Variants in MTR observed in about 807,000 individuals in gnomAD.
MTR encodes 5-methyltetrahydrofolate-homocysteine methyltransferase.
MTR carries 84 observed loss-of-function variants against 154.8 expected under a neutral mutation model. The ratio of observed to expected loss-of-function variants is 0.54; its 90% confidence interval spans 0.45 to 0.65. The LOEUF (loss-of-function observed/expected upper bound fraction) is 0.65, where lower values mean the gene tolerates loss of function less well. Ranked by LOEUF, MTR falls within the 30% of genes least tolerant of loss-of-function variation. The pLI, the probability that MTR is intolerant of heterozygous loss-of-function variation, is 0.00. For missense variants in MTR, 1,275 were observed against 1,570.2 expected (o/e 0.81, Z 3.18); for synonymous variants, 554 against 553.9 (o/e 1.00, Z 0.00).
intron 26 of MTR, 107 bp from the exon 27 acceptor site, chr1:236,886,185 C>A: frequency 1.2e-6 from 1 of 861,804 alleles, no homozygotes; most frequent in Non-Finnish European, 1.9e-6. Context: ...TGAATAAGAG[C>A]ATTTGCTTTC....
intron 1 of MTR, chr1:236,800,170 C>T (rs753446206): frequency 8.5e-5 from 84 of 985,202 alleles, no homozygotes; most frequent in Middle Eastern, 5.2e-4. Context: ...TGTGTGCACT[C>T]GCTCAGTGGA....
At chr1:236,890,610 T>C (rs943418232) in intron 28 of MTR, among the ~76,000 whole-genome samples, 12 of 152,246 alleles carry the variant, frequency 7.9e-5, no homozygotes, top group Admixed American at 7.9e-4. Context: ...TAGCTGTCCT[T>C]GTTTAACTCT....
intron 25 of MTR, among the ~76,000 whole-genome samples, chr1:236,881,197 A>T (rs1478211931): frequency 6.6e-6 from 1 of 152,174 alleles, no homozygotes; most frequent in Non-Finnish European, 1.5e-5. Context: ...CTTTTTCCAG[A>T]TAGAAAAACA....
At position 236,891,179 on chromosome 1, in the gene MTR, C is replaced by G; in HGVS notation, c.3054C>G (p.Asn1018Lys). 1 of 1,614,152 alleles carries G rather than the reference C, an allele frequency of 6.2e-7. No homozygotes were observed. The highest frequency in any genetic ancestry group is 1.6e-4 in the Middle Eastern group (1 of 6,062). ...KVYDDAHNMLNTLISQKKLRA... is the reference protein window; with the variant it reads ...KVYDDAHNMLKTLISQKKLRA... ...ACGATGATGCCCACAATATGCTGAA[C>G]ACACTGATTAGTCAAAAGAAACTCC... The change falls in exon 29 of 33, where the codon AAC becomes AAG. Residue 1018 changes from asparagine (N) to lysine (K), a missense_variant. Physicochemically the swap from Asn to Lys is moderately conservative, Grantham distance 94 (BLOSUM62 0). Coordinates refer to ENST00000366577, the MANE Select transcript of MTR (RefSeq NM_000254.3).
chr1:236,854,756 G>A lies in MTR; in HGVS notation c.1953+1668G>A, dbSNP rs1054052247. The stretch of plus-strand genomic sequence containing the variant: ...ACCGTTCCCATTTAAGGTTTTTTTG[G>A]CATTGTATTTTGTGCTAGGCATTCT... On this transcript the variant is annotated intron_variant, in intron 18 of 32. Transcript: ENST00000366577. Among the ~76,000 whole-genome samples the A allele has an allele frequency of 3.3e-5, 5 of 152,078 alleles. No individual in the cohort carries two copies. In the South Asian group the frequency reaches 8.3e-4, roughly 25 times the overall value.
At chr1:236,897,328 A>ACACACACACT (rs1666714867) in intron 32 of MTR, among the ~76,000 whole-genome samples, 1 of 130,660 alleles carries the variant, frequency 7.7e-6, no homozygotes, top group South Asian at 2.4e-4. Flanking sequence ...ACACACACAC[A>ACACACACACT]CACACACACA....
At chr1:236,826,075 C>T (rs576818101) in intron 10 of MTR, among the ~76,000 whole-genome samples, 2 of 152,024 alleles carry the variant, frequency 1.3e-5, no homozygotes, top group African/African-American at 4.8e-5. Flanking sequence ...TCATGCTGTC[C>T]CATATGTAGC....
intron 13 of MTR, 34 bp from the exon 14 acceptor site, chr1:236,835,513 C>T (rs775984909): frequency 3.7e-6 from 6 of 1,612,268 alleles, no homozygotes; most frequent in Non-Finnish European, 4.2e-6. Flanking sequence ...GTAACTGTCT[C>T]CTAATGCTGC....
intron 15 of MTR, among the ~76,000 whole-genome samples, chr1:236,841,514 A>C (rs555771584): frequency 6.6e-6 from 1 of 152,296 alleles, no homozygotes; most frequent in African/African-American, 2.4e-5. Flanking sequence ...TCTCCCTCCA[A>C]GTCTTCTGAC....
At chr1:236,867,271 T>C (rs1664869135) in intron 22 of MTR, among the ~76,000 whole-genome samples, 1 of 152,188 alleles carries the variant, frequency 6.6e-6, no homozygotes, top group African/African-American at 2.4e-5. Flanking sequence ...TTAAGAATTA[T>C]GTTAAATCTA....
intron 25 of MTR, among the ~76,000 whole-genome samples, chr1:236,882,834 C>T (rs561206024): frequency 1.8e-4 from 27 of 152,310 alleles, no homozygotes; most frequent in Non-Finnish European, 3.2e-4. Flanking sequence ...TACAAAGAAA[C>T]GACCACATTT....
intron 8 of MTR, among the ~76,000 whole-genome samples, chr1:236,821,818 T>C (rs1047717558): frequency 6.6e-6 from 1 of 152,240 alleles, no homozygotes; most frequent in African/African-American, 2.4e-5. Flanking sequence ...GGAAAGAATA[T>C]CTGTTCTCCA....
At position 236,797,926 on chromosome 1, in the gene MTR, C is replaced by A. The variant is rs964664373; in HGVS notation, c.34+2189C>A. Among the ~76,000 whole-genome samples, 6 of 150,622 alleles carry A rather than the reference C, an allele frequency of 4.0e-5. No individual in the cohort carries two copies. In the East Asian group the frequency reaches 1.2e-3, roughly 29 times the overall value. ...TGAGCCGAGATCATGCCACTGCACTCCATCCTGGGTGAGAGAGTGAGACTT... is the reference window on the plus strand; with the variant it reads ...TGAGCCGAGATCATGCCACTGCACTACATCCTGGGTGAGAGAGTGAGACTT... On this transcript the variant is annotated intron_variant, in intron 1 of 32. Coordinates refer to ENST00000366577, the MANE Select transcript of MTR (RefSeq NM_000254.3).
intron 24 of MTR, among the ~76,000 whole-genome samples, chr1:236,878,931 A>G (rs1665577926): frequency 6.6e-6 from 1 of 152,216 alleles, no homozygotes; most frequent in South Asian, 2.1e-4. Flanking sequence ...CTGAATGCCC[A>G]TCTTCCAGCT....
At chr1:236,799,980 A>T in intron 1 of MTR, 1 of 880,954 alleles carries the variant, frequency 1.1e-6, no homozygotes, top group Non-Finnish European at 1.4e-6. Context: ...AGATGCCAGA[A>T]TTTGCATGTG....
chr1:236,869,401 T>C (rs1294443767), intron 22 of MTR, among the ~76,000 whole-genome samples: 4 of 152,236 alleles, frequency 2.6e-5, no homozygotes, highest in African/African-American at 9.6e-5. Context: ...CTCGCTAATG[T>C]TGCCCAGGCT....
intron 31 of MTR, 113 bp from the exon 32 acceptor site, chr1:236,896,893 A>G (rs1198492584): frequency 4.9e-6 from 4 of 808,950 alleles, no homozygotes; most frequent in Non-Finnish European, 8.9e-6. Flanking sequence ...CCTAGAAGGC[A>G]TGAGCTCGCT....
intron 15 of MTR, among the ~76,000 whole-genome samples, chr1:236,843,068 A>G (rs1365338347): frequency 6.7e-6 from 1 of 148,178 alleles, no homozygotes; most frequent in East Asian, 2.0e-4. Context: ...CCTGAGTGAC[A>G]GAGTGAGACT....
chr1:236,877,980 T>A (rs113524881), intron 24 of MTR, among the ~76,000 whole-genome samples: 1 of 152,232 alleles, frequency 6.6e-6, no homozygotes, highest in African/African-American at 2.4e-5. Context: ...ATTTATATAT[T>A]GACCATTTGG....
Sources: allele counts gnomAD v4.1 joint callset (sites outside exome capture counted in the v4.1 genomes callset), GRCh38; gene constraint gnomAD v4.1.1; transcripts MANE v1.5; gene names NCBI Gene and HGNC (gene_info 2026-07-23, HGNC 2026-07-21).